Variants in SYCP2L observed in about 807,000 individuals in gnomAD.
SYCP2L encodes synaptonemal complex protein 2-like.
Under a neutral mutation model 125.8 loss-of-function variants are expected in SYCP2L, and 98 were observed. The ratio of observed to expected loss-of-function variants is 0.78; its 90% CI spans 0.66 to 0.92. The LOEUF (loss-of-function observed/expected upper bound fraction) is 0.92. SYCP2L is among the 40% of genes least tolerant of loss of function. The probability of loss-of-function intolerance (pLI) is 0.00; values close to 1 mark genes in which losing one functional copy is unlikely to be tolerated. For synonymous variants in SYCP2L, 317 were observed against 325.4 expected (o/e 0.97, Z 0.28); for missense variants, 842 against 936.4 (o/e 0.90, Z 1.32).
intron 29 of SYCP2L, 50 bp from the exon 30 acceptor site, chr6:10,973,901 AG>A (rs1781816956): frequency 6.6e-6 from 1 of 152,266 alleles, no homozygotes; most frequent in Non-Finnish European, 1.5e-5. Context: ...GACTAAGAGG[AG>A]GACAGTTCGG....
chr6:10,963,758 A>G, intron 28 of SYCP2L, 24 bp from the exon 29 acceptor site: 1 of 1,612,738 alleles, frequency 6.2e-7, no homozygotes, highest in Non-Finnish European at 8.5e-7. Flanking sequence ...TGAATATAAT[A>G]AGAGATGGAC....
chr6:10,903,173 G>A (rs768616968), intron 8 of SYCP2L, among the ~76,000 whole-genome samples: 4 of 152,334 alleles, frequency 2.6e-5, no homozygotes, highest in East Asian at 3.9e-4. Flanking sequence ...CGTAGATCAC[G>A]CCTGTAATCC....
At position 10,889,616 on chromosome 6, in the gene SYCP2L, C is replaced by CTTTTTTTTTTTTTTTTTT. The variant is rs34273350; in HGVS notation, c.10-1893_10-1876dup. On this transcript the variant is annotated intron_variant, in intron 1 of 29. Transcript: ENST00000283141. ...TTCTCTCTACTTCTATGAGATCAGC[C>CTTTTTTTTTTTTTTTTTT]TTTTTTTTTTTTTTTTTTTTTGAGA... 2.0e-5 allele frequency among the ~76,000 whole-genome samples: 2 copies of CTTTTTTTTTTTTTTTTTT among 101,412 alleles called. 1 individual carries two copies. The allele number at this position is 101,412 out of a possible 152,430, so 66.5% of individuals were successfully genotyped here. A position where few individuals can be genotyped will look rare whatever the true frequency, so the allele number is the denominator to read the frequency against.
At position 10,956,169 on chromosome 6, in the gene SYCP2L, C is replaced by G; in HGVS notation, c.2090C>G (p.Pro697Arg). Reference sequence around the variant, plus strand: ...TCCACTTCATCCCTAGAAGTTGTGCCAGAGAACTTGAACGGTTCTGCCATT... The same window carrying G: ...TCCACTTCATCCCTAGAAGTTGTGCGAGAGAACTTGAACGGTTCTGCCATT... ...GISTSSLEVV[P>R]ENLNGSAILP... The change falls in exon 25 of 30, where the codon CCA becomes CGA. Residue 697 changes from proline to arginine, a missense_variant. Physicochemically the swap from Pro to Arg is moderately radical, Grantham distance 103. Coordinates refer to ENST00000283141, the MANE Select transcript of SYCP2L (RefSeq NM_001040274.3). 2 of 1,613,892 alleles carry G rather than the reference C, an allele frequency of 1.2e-6. No individual in the cohort carries two copies. Among genetic ancestry groups the G allele is most frequent in the Non-Finnish European group, 1.7e-6 (2 of 1,179,968 alleles).
At chr6:10,964,441 T>G (rs979304661) in intron 29 of SYCP2L, among the ~76,000 whole-genome samples, 1 of 152,216 alleles carries the variant, frequency 6.6e-6, no homozygotes, top group Non-Finnish European at 1.5e-5. Flanking sequence ...AGATTTCAGA[T>G]GTTTTTGGAT....
At chr6:10,961,916 T>C (rs1263003170) in intron 28 of SYCP2L, among the ~76,000 whole-genome samples, 2 of 152,222 alleles carry the variant, frequency 1.3e-5, no homozygotes, top group Non-Finnish European at 2.9e-5. Flanking sequence ...ATATACAAAA[T>C]TGTGCTTTTG....
rs766422977 is a variant in SYCP2L, at chr6:10,961,486, T to C, written c.2356-14T>C. On this transcript the variant is annotated splice_polypyrimidine_tract_variant and intron_variant, in intron 27 of 29. Coordinates refer to ENST00000283141, the MANE Select transcript of SYCP2L (RefSeq NM_001040274.3). ...AACGCTAGCTACTTAAACAAAACTT[T>C]TGTTCAATCTTAGGAATTCTGGGGG... The C allele has an allele frequency of 1.8e-5, 29 of 1,614,016 alleles. No individual in the cohort carries two copies. The highest frequency in any genetic ancestry group is 2.2e-5 in the South Asian group (2 of 91,062).
At chr6:10,949,476 C>A (rs893203163) in intron 23 of SYCP2L, among the ~76,000 whole-genome samples, 1 of 152,078 alleles carries the variant, frequency 6.6e-6, no homozygotes, top group Non-Finnish European at 1.5e-5. Flanking sequence ...CAATATCTTT[C>A]CTTTAGATTT....
At chr6:10,924,293 T>C (rs1243113329) in intron 14 of SYCP2L, among the ~76,000 whole-genome samples, 7 of 152,348 alleles carry the variant, frequency 4.6e-5, no homozygotes, top group African/African-American at 1.7e-4. Context: ...AACCACTTAA[T>C]TGTGTTGTAT....
intron 12 of SYCP2L, among the ~76,000 whole-genome samples, chr6:10,911,188 G>C (rs2113320069): frequency 6.6e-6 from 1 of 152,134 alleles, no homozygotes; most frequent in African/African-American, 2.4e-5. Context: ...GCCTAGACTG[G>C]GGTAAAAAGG....
At chr6:10,944,513 C>A (rs1781276417) in intron 23 of SYCP2L, among the ~76,000 whole-genome samples, 4 of 151,922 alleles carry the variant, frequency 2.6e-5, no homozygotes, top group African/African-American at 9.7e-5. Context: ...TAAATCAAAG[C>A]TTTTAATTTT....
intron 29 of SYCP2L, among the ~76,000 whole-genome samples, chr6:10,968,114 A>G (rs565693010): frequency 6.6e-6 from 1 of 152,316 alleles, no homozygotes; most frequent in South Asian, 2.1e-4. Context: ...CCAGTGGATA[A>G]AATTGTCCAG....
chr6:10,898,882 A>G, intron 6 of SYCP2L, 34 bp downstream of exon 6: 1 of 1,229,674 alleles, frequency 8.1e-7, no homozygotes, highest in Non-Finnish European at 1.2e-6. Context: ...TTGGCTATTA[A>G]TTTTTCATTA....
At chr6:10,970,959 C>T (rs1781759738) in intron 29 of SYCP2L, among the ~76,000 whole-genome samples, 2 of 151,978 alleles carry the variant, frequency 1.3e-5, no homozygotes, top group African/African-American at 2.4e-5. Flanking sequence ...ACCCCCAGGC[C>T]TTTTGGCTAA....
chr6:10,900,587 AG>A (rs1378223814), intron 6 of SYCP2L, among the ~76,000 whole-genome samples: 2 of 152,102 alleles, frequency 1.3e-5, no homozygotes, highest in African/African-American at 4.8e-5. Context: ...TCCTGACCCC[AG>A]GTGATCCACC....
Position 10,930,441 on chromosome 6 carries a change from C to G in SYCP2L, c.1560C>G (p.Thr520=). Residue 520 remains threonine, a synonymous_variant, in exon 19 of 30, where the codon ACC becomes ACG. Coordinates refer to ENST00000283141, the MANE Select transcript of SYCP2L (RefSeq NM_001040274.3). ...QDSSTSELSW[T]SNQKKKSLKS... The stretch of plus-strand genomic sequence containing the variant: ...CAAGTACCAGTGAACTATCTTGGAC[C>G]AGTAACCAGAAAAAGAAATCCCTAA... The G allele has an allele frequency of 6.2e-7, 1 of 1,613,568 alleles. No individual in the cohort carries two copies. The highest frequency in any genetic ancestry group is 8.5e-7 in the Non-Finnish European group (1 of 1,179,738).
intron 18 of SYCP2L, 109 bp from the exon 19 acceptor site, chr6:10,930,261 C>T (rs1246189012): frequency 8.6e-7 from 1 of 1,158,448 alleles, no homozygotes; most frequent in South Asian, 1.6e-5. Context: ...AGAGCCCAGT[C>T]TTCTAGAAGG....
intron 29 of SYCP2L, 65 bp downstream of exon 29, chr6:10,963,908 A>C: frequency 8.1e-7 from 1 of 1,234,582 alleles, no homozygotes; most frequent in Non-Finnish European, 1.2e-6. Context: ...AGCAAGCTCT[A>C]AAAGATACTG....
chr6:10,889,841 A>C lies in SYCP2L; in HGVS notation c.10-1672A>C, dbSNP rs1309081064. On this transcript the variant is annotated intron_variant, in intron 1 of 29. Transcript: ENST00000283141. ...TGTCATGTTGGCCAGGCTGGTCTCCAACTCCTGACCTCAGGTGATCCACCC... is the reference window on the plus strand; with the variant it reads ...TGTCATGTTGGCCAGGCTGGTCTCCCACTCCTGACCTCAGGTGATCCACCC... 3.9e-5 allele frequency among the ~76,000 whole-genome samples: 6 copies of C among 152,086 alleles called. No homozygotes were observed. The East Asian group carries it at 1.2e-3, about 29-fold the overall frequency.
Sources: gnomAD v4.1 joint callset for allele counts (sites outside exome capture counted in the v4.1 genomes callset) on GRCh38, gnomAD v4.1.1 for gene constraint, MANE v1.5 for transcripts, NCBI Gene and HGNC (gene_info 2026-07-23, HGNC 2026-07-21) for gene names.